PEX14: variants seen among roughly 807,000 people sequenced by gnomAD.
PEX14 encodes peroxisomal biogenesis factor 14.
Under a neutral mutation model 49.5 loss-of-function variants are expected in PEX14, and 15 were observed. The observed-to-expected ratio is 0.30, with a 90% CI of 0.20 to 0.47. The LOEUF (loss-of-function observed/expected upper bound fraction) is 0.47. Ranked by LOEUF, PEX14 falls within the 20% of genes least tolerant of loss-of-function variation. The pLI, the probability that PEX14 is intolerant of heterozygous loss-of-function variation, is 1.00. For synonymous variants in PEX14, 210 were observed against 212.7 expected (o/e 0.99, Z 0.11); for missense variants, 398 against 494.8 (o/e 0.80, Z 1.86).
rs1259955219 is a variant in PEX14, at chr1:10,534,496, T to C, written c.85-1717T>C. Among the ~76,000 whole-genome samples, 4 of 152,120 alleles carry C rather than the reference T, an allele frequency of 2.6e-5. No homozygotes were observed. In the East Asian group the frequency reaches 7.7e-4, roughly 29 times the overall value. On this transcript the variant is annotated intron_variant, in intron 2 of 8. Coordinates refer to ENST00000356607, the MANE Select transcript of PEX14 (RefSeq NM_004565.3). ...TTTTTCTCTTTTTTCCTTCTTCCCT[T>C]CTCCTATCTCTTCATTAAAATGCAT...
At chr1:10,588,201 C>T (rs375584980) in intron 3 of PEX14, among the ~76,000 whole-genome samples, 4 of 151,044 alleles carry the variant, frequency 2.6e-5, no homozygotes, top group African/African-American at 9.8e-5. Context: ...GCCTGGGTGA[C>T]AGAGCGAGAC....
intron 2 of PEX14, among the ~76,000 whole-genome samples, chr1:10,506,109 C>T (rs920438272): frequency 6.6e-6 from 1 of 152,162 alleles, no homozygotes; most frequent in African/African-American, 2.4e-5. Flanking sequence ...AACGTACTCA[C>T]CAGGCTCTTG....
At chr1:10,588,748 G>A (rs10864467) in intron 3 of PEX14, among the ~76,000 whole-genome samples, 146,720 of 152,188 alleles carry the variant, frequency 0.96, 70,950 homozygotes, top group East Asian at 1. Context: ...TTACTTAATA[G>A]TGACCCCACG....
At chr1:10,552,196 C>T (rs1350680773) in intron 3 of PEX14, among the ~76,000 whole-genome samples, 1 of 152,190 alleles carries the variant, frequency 6.6e-6, no homozygotes. Context: ...GTAATACCAG[C>T]ACTTTGGGAG....
chr1:10,475,503 A>G (rs1641180456), intron 1 of PEX14, among the ~76,000 whole-genome samples: 2 of 152,192 alleles, frequency 1.3e-5, no homozygotes, highest in Admixed American at 1.3e-4. Flanking sequence ...ATAGTCAGAA[A>G]TAATCTAGTC....
Position 10,629,999 on chromosome 1 carries a change from C to T in PEX14, c.*12C>T, listed in dbSNP as rs777273424. On this transcript the variant is annotated 3_prime_UTR_variant, in exon 9 of 9. Coordinates refer to ENST00000356607, the MANE Select transcript of PEX14 (RefSeq NM_004565.3). This position sits in a 1 kb window ranked among gnomAD's most constrained non-coding sequence, Gnocchi z 8.5. Reference sequence around the variant, plus strand: ...GTGAGCGGGACTAGGGCTGCGCCTGCTGCCTCCAGCCCTGAGGATGGCATC... The same window carrying T: ...GTGAGCGGGACTAGGGCTGCGCCTGTTGCCTCCAGCCCTGAGGATGGCATC... 2.5e-6 allele frequency: 4 copies of T among 1,607,246 alleles called. No homozygotes were observed. In the South Asian group the frequency reaches 3.3e-5, roughly 13 times the overall value.
intron 5 of PEX14, among the ~76,000 whole-genome samples, chr1:10,620,509 C>T (rs1461220182): frequency 6.6e-6 from 1 of 151,798 alleles, no homozygotes; most frequent in Non-Finnish European, 1.5e-5. Context: ...CAAAATAAGC[C>T]AGGCGCAGTG....
At chr1:10,626,684 G>A (rs920211661) in intron 7 of PEX14, among the ~76,000 whole-genome samples, 2 of 152,242 alleles carry the variant, frequency 1.3e-5, no homozygotes, top group African/African-American at 2.4e-5. Context: ...CAGCCTGGGC[G>A]AGGTAGACCT....
intron 1 of PEX14, among the ~76,000 whole-genome samples, chr1:10,486,966 C>T (rs1195301720): frequency 6.6e-6 from 1 of 151,798 alleles, no homozygotes; most frequent in East Asian, 1.9e-4. Context: ...GGATTACAGG[C>T]GTGAGCCATT....
intron 3 of PEX14, among the ~76,000 whole-genome samples, chr1:10,593,289 T>C (rs1640724715): frequency 6.6e-6 from 1 of 152,214 alleles, no homozygotes; most frequent in African/African-American, 2.4e-5. Context: ...GATATCTTTC[T>C]TTCTTTCCTT....
In PEX14 at chr1:10,536,248, G is replaced by A. The variant is rs530873359; in HGVS notation, c.120G>A (p.Arg40=). Residue 40 remains arginine, a synonymous_variant, in exon 3 of 9, where the codon CGG becomes CGA. Transcript: ENST00000356607. ...CAGTGAAGTTTCTACAGAATTCCCG[G>A]GTCCGCCAGAGCCCACTTGCAACCA... ...ATAVKFLQNS[R]VRQSPLATRR... is the part of the protein sequence containing the mutation. 3 of 1,612,404 alleles carry A rather than the reference G, an allele frequency of 1.9e-6. No individual in the cohort carries two copies. The highest frequency in any genetic ancestry group is 2.5e-6 in the Non-Finnish European group (3 of 1,178,680).
chr1:10,627,475 G>A (rs1239365489), intron 8 of PEX14, 112 bp downstream of exon 8: 5 of 777,926 alleles, frequency 6.4e-6, no homozygotes, highest in Middle Eastern at 3.1e-4. Flanking sequence ...GACCCCATCT[G>A]TCTGGGCGAC....
chr1:10,524,131 A>G (rs1235100787), intron 2 of PEX14, among the ~76,000 whole-genome samples: 4 of 152,176 alleles, frequency 2.6e-5, no homozygotes, highest in African/African-American at 9.7e-5. Context: ...TTTTGCTTCA[A>G]CATTATTTTA....
At chr1:10,566,520 C>A (rs926812009) in intron 3 of PEX14, among the ~76,000 whole-genome samples, 6 of 150,072 alleles carry the variant, frequency 4.0e-5, no homozygotes, top group Non-Finnish European at 8.9e-5. Context: ...TGGAATTTCA[C>A]TCTTGTTGCC....
At chr1:10,571,111 C>T (rs1639965650) in intron 3 of PEX14, among the ~76,000 whole-genome samples, 1 of 150,430 alleles carries the variant, frequency 6.6e-6, no homozygotes, top group Non-Finnish European at 1.5e-5. Context: ...CCCACCTCGG[C>T]CTCCCAAAGT....
At chr1:10,476,156 CCACCG>C (rs1641190802) in intron 1 of PEX14, among the ~76,000 whole-genome samples, 1 of 152,210 alleles carries the variant, frequency 6.6e-6, no homozygotes, top group African/African-American at 2.4e-5. Flanking sequence ...AGGCAGAAGA[CCACCG>C]CTTAGTGTTT....
At chr1:10,610,684 C>T (rs919792498) in intron 4 of PEX14, among the ~76,000 whole-genome samples, 24 of 152,226 alleles carry the variant, frequency 1.6e-4, no homozygotes, top group African/African-American at 4.8e-4. Flanking sequence ...GAGGTTTCTC[C>T]ATGTTGGTCA....
chr1:10,573,165 C>T lies in PEX14; in HGVS notation c.170-26073C>T, dbSNP rs114184669. Among the ~76,000 whole-genome samples the T allele has an allele frequency of 1.6e-3, 243 of 152,280 alleles. 1 individual carries two copies. Among genetic ancestry groups the T allele is most frequent in the African/African-American group, 4.9e-3 (204 of 41,554 alleles). ...GACTACCATCGCATGTGCAGTCCAT[C>T]GTTAACTGAAATATCATGTGGCGCG... On this transcript the variant is annotated intron_variant, in intron 3 of 8. Coordinates refer to ENST00000356607, the MANE Select transcript of PEX14 (RefSeq NM_004565.3).
At chr1:10,620,124 A>G (rs1267247355) in intron 5 of PEX14, among the ~76,000 whole-genome samples, 1 of 151,872 alleles carries the variant, frequency 6.6e-6, no homozygotes, top group African/African-American at 2.4e-5. Flanking sequence ...CAAAAAAGAA[A>G]AAGAAAAAGA....
Sources: allele counts gnomAD v4.1 joint callset (sites outside exome capture counted in the v4.1 genomes callset), GRCh38; gene constraint gnomAD v4.1.1; non-coding constraint Gnocchi (gnomAD v3.1); transcripts MANE v1.5; gene names NCBI Gene and HGNC (gene_info 2026-07-23, HGNC 2026-07-21).